Variants in PARP8 observed in about 807,000 individuals in gnomAD.
PARP8 encodes protein mono-ADP-ribosyltransferase PARP8.
Under a neutral mutation model 124.1 loss-of-function variants are expected in PARP8, and 51 were observed. The ratio of observed to expected loss-of-function variants is 0.41; its 90% CI spans 0.33 to 0.52. The LOEUF is 0.52. PARP8 is among the 20% of genes least tolerant of loss of function. The pLI is 0.21. For synonymous variants in PARP8, 391 were observed against 361.5 expected, an observed-to-expected ratio of 1.08 and a Z score of -0.93; for missense variants, 860 against 1,018.9, an observed-to-expected ratio of 0.84 and a Z score of 2.12.
chr5:50,678,590 A>G (rs545125605), intron 2 of PARP8, among the ~76,000 whole-genome samples: 1 of 152,318 alleles, frequency 6.6e-6, no homozygotes, highest in South Asian at 2.1e-4. Context: ...GAGATTAGAG[A>G]TCTATGTTTG....
At chr5:50,712,772 T>G (rs925173080) in intron 2 of PARP8, among the ~76,000 whole-genome samples, 4 of 151,186 alleles carry the variant, frequency 2.6e-5, no homozygotes, top group Non-Finnish European at 5.9e-5. Context: ...ATGGATCTGG[T>G]GGTCAGAAGG....
intron 2 of PARP8, among the ~76,000 whole-genome samples, chr5:50,688,873 G>A (rs1342308787): frequency 6.6e-6 from 1 of 152,022 alleles, no homozygotes; most frequent in Non-Finnish European, 1.5e-5. Flanking sequence ...ATGTATTATT[G>A]GTTGAGCGGT....
chr5:50,669,252 A>C (rs1749722570), intron 2 of PARP8: 1 of 152,240 alleles, frequency 6.6e-6, no homozygotes, highest in African/African-American at 2.4e-5. Flanking sequence ...AAATTACAGT[A>C]TTTCTTAATT....
chr5:50,683,339 G>C (rs902971377), intron 2 of PARP8, among the ~76,000 whole-genome samples: 17 of 152,106 alleles, frequency 1.1e-4, no homozygotes, highest in Non-Finnish European at 1.6e-4. Flanking sequence ...AAGTAGTGCA[G>C]TTAACTCCCA....
intron 2 of PARP8, among the ~76,000 whole-genome samples, chr5:50,722,232 C>T (rs550610818): frequency 7.2e-5 from 11 of 152,080 alleles, no homozygotes; most frequent in East Asian, 5.8e-4. Context: ...GTGTCACTGC[C>T]GCTGAAAACT....
Position 50,834,955 on chromosome 5 carries a change from A to G in PARP8, c.2402A>G (p.Lys801Arg). The G allele has an allele frequency of 6.2e-7, 1 of 1,613,514 alleles. No homozygotes were observed. The highest frequency in any genetic ancestry group is 2.2e-5 in the East Asian group (1 of 44,806). The stretch of plus-strand genomic sequence containing the variant: ...GTGATCACCTCATCTGACCTGCACA[A>G]ACATGGAGAGATATGGGTTGTCCCC... ...CEVITSSDLH[K>R]HGEIWVVPNT... The change falls in exon 25 of 26, where the codon AAA becomes AGA. Residue 801 changes from lysine to arginine, a missense_variant. Lys to Arg is a conservative substitution (Grantham distance 26). This residue lies in a region of PARP8 where 343 missense variants were observed against 474.7 expected (regional missense o/e 0.72). Transcript: ENST00000281631.
chr5:50,807,152 C>T (rs1301558340), intron 14 of PARP8, among the ~76,000 whole-genome samples: 1 of 151,686 alleles, frequency 6.6e-6, no homozygotes, highest in African/African-American at 2.4e-5. Context: ...CTCCAAAAGT[C>T]CTAAAATTTT....
chr5:50,696,101 T>C (rs1391149999), intron 2 of PARP8, among the ~76,000 whole-genome samples: 14 of 152,184 alleles, frequency 9.2e-5, no homozygotes, highest in African/African-American at 3.4e-4. Context: ...GAGAAACAGT[T>C]ACATCTAATT....
chr5:50,778,560 G>A lies in PARP8; in HGVS notation c.580G>A (p.Glu194Lys). 6.2e-7 allele frequency: 1 copy of A among 1,601,998 alleles called. No individual in the cohort carries two copies. The highest frequency in any genetic ancestry group is 8.5e-7 in the Non-Finnish European group (1 of 1,173,236). Residue 194 changes from glutamate to lysine, a missense_variant and splice_region_variant, in exon 9 of 26, where the codon GAG becomes AAG. Coordinates refer to ENST00000281631, the MANE Select transcript of PARP8 (RefSeq NM_024615.4). ...DLHIDVSFLD[E>K]EIAVAWEVIR... ...TCATCTTTTAAATATATTTGTGCAG[G>A]AGGAGATTGCTGTGGCTTGGGAAGT...
At chr5:50,728,867 T>G (rs1170989428) in intron 2 of PARP8, among the ~76,000 whole-genome samples, 1 of 152,134 alleles carries the variant, frequency 6.6e-6, no homozygotes, top group African/African-American at 2.4e-5. Context: ...TTCCATATTT[T>G]ATATTGGAGA....
rs1748247213 is a variant in PARP8, at chr5:50,842,132, TGAA to T, written c.*70_*72del. 2.8e-6 allele frequency: 3 copies of T among 1,059,694 alleles called. No individual in the cohort carries two copies. Among genetic ancestry groups the T allele is most frequent in the Admixed American group, 2.3e-5 (1 of 43,066 alleles). 65.6% of individuals were successfully genotyped at this position (1,059,694 alleles called of 1,614,324 possible). On this transcript the variant is annotated 3_prime_UTR_variant, in exon 26 of 26. Coordinates refer to ENST00000281631, the MANE Select transcript of PARP8 (RefSeq NM_024615.4). Reference sequence around the variant, plus strand: ...TCGGGTTCAAAGCTGGATTTTGAACTGAAGAAGATTATAAAATTATTTATTGTT... The same window carrying T: ...TCGGGTTCAAAGCTGGATTTTGAACTGAAGATTATAAAATTATTTATTGTT...
chr5:50,790,576 G>C (rs1054042837), intron 10 of PARP8, among the ~76,000 whole-genome samples: 2 of 151,928 alleles, frequency 1.3e-5, no homozygotes, highest in African/African-American at 4.8e-5. Context: ...AAGTGGCATG[G>C]AGCTGATCAA....
chr5:50,833,423 A>C, intron 23 of PARP8: 1 of 454,500 alleles, frequency 2.2e-6, no homozygotes, highest in Non-Finnish European at 4.4e-6. Flanking sequence ...TTCAGAGAAA[A>C]CAAGTATATT....
chr5:50,843,031 C>T lies in PARP8; in HGVS notation c.*963C>T, dbSNP rs1408874724. 1 of 151,604 alleles carries T rather than the reference C, an allele frequency of 6.6e-6. No homozygotes were observed. The highest frequency in any genetic ancestry group is 1.5e-5 in the Non-Finnish European group (1 of 67,740). 9.4% of individuals were successfully genotyped at this position (151,604 alleles called of 1,614,324 possible). On this transcript the variant is annotated 3_prime_UTR_variant, in exon 26 of 26. Coordinates refer to ENST00000281631, the MANE Select transcript of PARP8 (RefSeq NM_024615.4). The stretch of plus-strand genomic sequence containing the variant: ...AAATTATACAATTTTATTTATGCCA[C>T]ACCAGCATTTTTATATTTGTTCATC...
intron 3 of PARP8, among the ~76,000 whole-genome samples, chr5:50,755,010 C>T (rs574445812): frequency 2.4e-4 from 37 of 152,144 alleles, no homozygotes; most frequent in Middle Eastern, 3.4e-3. Flanking sequence ...TCATATCCTT[C>T]GCCCACTTTT....
At chr5:50,828,662 T>G (rs1182259289) in intron 21 of PARP8, among the ~76,000 whole-genome samples, 1 of 151,966 alleles carries the variant, frequency 6.6e-6, no homozygotes, top group Non-Finnish European at 1.5e-5. Flanking sequence ...GGCAGATCGC[T>G]TGAGGCCAGG....
intron 17 of PARP8, among the ~76,000 whole-genome samples, chr5:50,824,321 T>C (rs1363558434): frequency 6.6e-6 from 1 of 152,136 alleles, no homozygotes; most frequent in Non-Finnish European, 1.5e-5. Flanking sequence ...GCAAGACAGA[T>C]TTATTCAGAG....
intron 9 of PARP8, among the ~76,000 whole-genome samples, chr5:50,779,633 G>T (rs1302548110): frequency 6.6e-6 from 1 of 152,164 alleles, no homozygotes; most frequent in East Asian, 1.9e-4. Context: ...GTCTTTCATT[G>T]TATTCTGTTG....
intron 2 of PARP8, among the ~76,000 whole-genome samples, chr5:50,730,859 T>C (rs1235023531): frequency 3.3e-5 from 5 of 152,226 alleles, no homozygotes; most frequent in Non-Finnish European, 5.9e-5. Flanking sequence ...AATTACTGCA[T>C]AAACTTAGGC....
Sources: gnomAD v4.1 joint callset for allele counts (sites outside exome capture counted in the v4.1 genomes callset) on GRCh38, gnomAD v4.1.1 for gene constraint, gnomAD v4.1.1 regional missense constraint, MANE v1.5 for transcripts, NCBI Gene and HGNC (gene_info 2026-07-23, HGNC 2026-07-21) for gene names.